Variants in CACNA1A observed in about 807,000 individuals in gnomAD.
CACNA1A encodes calcium voltage-gated channel subunit alpha1 A.
A neutral mutation model predicts 262.4 loss-of-function variants in CACNA1A; 57 were observed. The ratio of observed to expected loss-of-function variants is 0.22; its 90% CI spans 0.18 to 0.27. The LOEUF (loss-of-function observed/expected upper bound fraction) is 0.27, where lower values mean the gene tolerates loss of function less well. Among genes scored for constraint, CACNA1A ranks in the 10% least tolerant of loss-of-function variants. The pLI is 1.00. For missense variants in CACNA1A, 2,526 were observed against 3,562.8 expected, an observed-to-expected ratio of 0.71 and a Z score of 7.41; for synonymous variants, 1,431 against 1,419.3, an observed-to-expected ratio of 1.01 and a Z score of -0.18.
intron 19 of CACNA1A, among the ~76,000 whole-genome samples, chr19:13,294,510 T>TTTTTTG (rs2057620485): frequency 7.1e-6 from 1 of 140,124 alleles, no homozygotes; most frequent in African/African-American, 2.6e-5. Context: ...TTTTTTTTTT[T>TTTTTTG]GAGACAGAGT....
Position 13,442,659 on chromosome 19 carries a change from G to A in CACNA1A, c.539+10217C>T, listed in dbSNP as rs562030405. On this transcript the variant is annotated intron_variant, in intron 3 of 46. Coordinates refer to ENST00000360228, the MANE Select transcript of CACNA1A (RefSeq NM_001127222.2). ...CTCCCTTTTTCCAGGTGAGAAAACTGAGGTTCAGTGAGTTCAACCCACATT... is the reference window on the plus strand; with the variant it reads ...CTCCCTTTTTCCAGGTGAGAAAACTAAGGTTCAGTGAGTTCAACCCACATT... Among the ~76,000 whole-genome samples, 141 of 152,312 alleles carry A rather than the reference G, an allele frequency of 9.3e-4. 1 individual carries two copies. Among genetic ancestry groups the A allele is most frequent in the Non-Finnish European group, 1.5e-3 (105 of 68,028 alleles).
At chr19:13,432,683 A>T (rs1338564759) in intron 3 of CACNA1A, among the ~76,000 whole-genome samples, 2 of 151,016 alleles carry the variant, frequency 1.3e-5, no homozygotes, top group Non-Finnish European at 2.9e-5. Context: ...GTAATATACA[A>T]CATAAGGTAT....
chr19:13,347,981 T>C (rs759505372), intron 6 of CACNA1A, among the ~76,000 whole-genome samples: 33 of 152,088 alleles, frequency 2.2e-4, no homozygotes, highest in South Asian at 1.2e-3. Context: ...AGTGCAGGGG[T>C]GTAATCACAG....
At chr19:13,504,585 A>G (rs1448640914) in intron 1 of CACNA1A, among the ~76,000 whole-genome samples, 3 of 152,060 alleles carry the variant, frequency 2.0e-5, no homozygotes, top group Non-Finnish European at 2.9e-5. Context: ...CGTTTAGTCT[A>G]TAACTGCAAA....
intron 1 of CACNA1A, among the ~76,000 whole-genome samples, chr19:13,472,943 G>A (rs529203845): frequency 1.2e-4 from 19 of 152,142 alleles, no homozygotes; most frequent in Non-Finnish European, 2.5e-4. Flanking sequence ...AAAATCCATC[G>A]ACAAAGATCC....
intron 3 of CACNA1A, among the ~76,000 whole-genome samples, chr19:13,444,318 C>T (rs944048748): frequency 6.6e-6 from 1 of 152,104 alleles, no homozygotes; most frequent in African/African-American, 2.4e-5. Flanking sequence ...TGTTGCTGGT[C>T]TCATGAGTTA....
At chr19:13,237,105 G>A (rs1332787583) in intron 31 of CACNA1A, among the ~76,000 whole-genome samples, 1 of 152,112 alleles carries the variant, frequency 6.6e-6, no homozygotes, top group African/African-American at 2.4e-5. Flanking sequence ...CAGGCCACAT[G>A]ATCTCCAGTT....
intron 3 of CACNA1A, among the ~76,000 whole-genome samples, chr19:13,390,980 T>C (rs1383436902): frequency 2.0e-5 from 3 of 152,110 alleles, no homozygotes; most frequent in Non-Finnish European, 2.9e-5. Flanking sequence ...TCCACCTCCC[T>C]GGTTCAAGCA....
intron 1 of CACNA1A, among the ~76,000 whole-genome samples, chr19:13,493,532 C>T (rs1028856670): frequency 1.3e-5 from 2 of 152,248 alleles, no homozygotes; most frequent in African/African-American, 4.8e-5. Context: ...GCTTTACATG[C>T]AGCCCAGGAA....
intron 31 of CACNA1A, among the ~76,000 whole-genome samples, chr19:13,240,965 A>G (rs2056065758): frequency 6.6e-6 from 1 of 152,250 alleles, no homozygotes; most frequent in Admixed American, 6.5e-5. Flanking sequence ...TTGCCGGCAC[A>G]CTGCCTGGCC....
At chr19:13,460,325 A>G (rs1442801399) in intron 1 of CACNA1A, among the ~76,000 whole-genome samples, 1 of 152,118 alleles carries the variant, frequency 6.6e-6, no homozygotes, top group Non-Finnish European at 1.5e-5. Flanking sequence ...TGCGGTTTTG[A>G]GTCATCCAGA....
chr19:13,319,048 C>T (rs567102626), intron 10 of CACNA1A, among the ~76,000 whole-genome samples: 1 of 152,012 alleles, frequency 6.6e-6, no homozygotes, highest in African/African-American at 2.4e-5. Flanking sequence ...ACCACCATGC[C>T]CGCTTAATTA....
chr19:13,208,705 T>G, intron 46 of CACNA1A, 51 bp downstream of exon 46: 1 of 1,514,048 alleles, frequency 6.6e-7, no homozygotes, highest in Non-Finnish European at 8.8e-7. Context: ...CCTTCTCTCC[T>G]CCCCGCCTCC....
intron 4 of CACNA1A, among the ~76,000 whole-genome samples, chr19:13,368,199 C>A (rs113690835): frequency 6.6e-6 from 1 of 152,036 alleles, no homozygotes; most frequent in Non-Finnish European, 1.5e-5. Context: ...CCTGGAGTCC[C>A]AGCTATTTGG....
At position 13,346,243 on chromosome 19, in the gene CACNA1A, C is replaced by T. The variant is rs186098616; in HGVS notation, c.979-10334G>A. ...TATCATCTTCCTTCATCAGCTCCTT[C>T]CTTCATCCTCACTCACTCCCCACTG... On this transcript the variant is annotated intron_variant, in intron 6 of 46. Coordinates refer to ENST00000360228, the MANE Select transcript of CACNA1A (RefSeq NM_001127222.2). Among the ~76,000 whole-genome samples the T allele has an allele frequency of 9.4e-4, 143 of 151,902 alleles. 1 individual carries two copies. Among genetic ancestry groups the T allele is most frequent in the African/African-American group, 3.4e-3 (142 of 41,434 alleles).
At chr19:13,300,433 T>C in intron 18 of CACNA1A, 117 bp downstream of exon 18, 1 of 717,626 alleles carries the variant, frequency 1.4e-6, no homozygotes, top group Non-Finnish European at 2.5e-6. Flanking sequence ...ACAAGAAGTG[T>C]CTCTTCCTAA....
intron 40 of CACNA1A, among the ~76,000 whole-genome samples, chr19:13,213,422 G>A (rs2054889222): frequency 6.6e-6 from 1 of 151,990 alleles, no homozygotes; most frequent in African/African-American, 2.4e-5. Flanking sequence ...CTATCTTCTG[G>A]ATTCTTCTCC....
intron 6 of CACNA1A, among the ~76,000 whole-genome samples, chr19:13,356,622 T>G (rs2059011585): frequency 6.6e-6 from 1 of 152,186 alleles, no homozygotes; most frequent in African/African-American, 2.4e-5. Flanking sequence ...CCCAGACGCT[T>G]TCTCTGGTCA....
At chr19:13,461,262 C>T (rs1365420974) in intron 1 of CACNA1A, among the ~76,000 whole-genome samples, 1 of 152,160 alleles carries the variant, frequency 6.6e-6, no homozygotes, top group African/African-American at 2.4e-5. Context: ...ATCACCTGAA[C>T]CCGGGAAGCA....
Sources: allele counts gnomAD v4.1 joint callset (sites outside exome capture counted in the v4.1 genomes callset), GRCh38; gene constraint gnomAD v4.1.1; transcripts MANE v1.5; gene names NCBI Gene and HGNC (gene_info 2026-07-23, HGNC 2026-07-21).